Variants in DPYSL3 observed in about 807,000 individuals in gnomAD.
The protein encoded by DPYSL3 is dihydropyrimidinase like 3, also known as dihydropyrimidinase-related protein 3.
In DPYSL3, 16 loss-of-function variants were observed where a neutral mutation model predicts 66.1. The observed-to-expected ratio is 0.24, with a 90% CI of 0.16 to 0.37. The LOEUF (loss-of-function observed/expected upper bound fraction) is 0.37, where lower values mean the gene tolerates loss of function less well. Ranked by LOEUF, DPYSL3 falls within the 10% of genes least tolerant of loss-of-function variation. The probability of loss-of-function intolerance (pLI) is 1.00; values close to 1 mark genes in which losing one functional copy is unlikely to be tolerated. For missense variants in DPYSL3, 738 were observed against 916.2 expected, an observed-to-expected ratio of 0.81 and a Z score of 2.51; for synonymous variants, 338 against 345.1, an observed-to-expected ratio of 0.98 and a Z score of 0.23.
chr5:147,477,161 G>C (rs1325748958), intron 1 of DPYSL3, among the ~76,000 whole-genome samples: 2 of 152,134 alleles, frequency 1.3e-5, no homozygotes, highest in African/African-American at 4.8e-5. Flanking sequence ...AACAAGACAT[G>C]ATCAAAACAG....
intron 1 of DPYSL3, among the ~76,000 whole-genome samples, chr5:147,448,539 A>G (rs901316615): frequency 6.6e-6 from 1 of 152,308 alleles, no homozygotes; most frequent in South Asian, 2.1e-4. Context: ...CCACATTCCA[A>G]AGTAGTTGAG....
At position 147,509,750 on chromosome 5, in the gene DPYSL3, T is replaced by A. The variant is rs1753732969; in HGVS notation, c.109A>T (p.Met37Leu). Residue 37 changes from methionine (M) to leucine (L), a missense_variant, in exon 1 of 14, where the codon ATG becomes TTG. Transcript: ENST00000343218. The surrounding 1 kb of genome is among the most constrained non-coding windows in gnomAD (Gnocchi z 5.3). ...DQVPRQKYGG[M>L]FCNVEGAFES... Reference sequence around the variant, plus strand: ...AAGGCGCCCTCCACGTTGCAGAACATGCCGCCGTATTTCTGCCGCGGGACC... The same window carrying A: ...AAGGCGCCCTCCACGTTGCAGAACAAGCCGCCGTATTTCTGCCGCGGGACC... 6.5e-7 allele frequency: 1 copy of A among 1,535,846 alleles called. No homozygotes were observed. The highest frequency in any genetic ancestry group is 1.2e-5 in the South Asian group (1 of 84,068).
chr5:147,429,555 T>G (rs13340366), intron 1 of DPYSL3, among the ~76,000 whole-genome samples: 3,010 of 152,250 alleles, frequency 0.02, 105 homozygotes, highest in African/African-American at 0.069. Flanking sequence ...TAATATTATT[T>G]ATAATACTTT....
chr5:147,400,642 C>T, intron 10 of DPYSL3, 50 bp downstream of exon 10: 1 of 1,599,836 alleles, frequency 6.3e-7, no homozygotes, highest in Non-Finnish European at 8.5e-7. Flanking sequence ...TCTGATCTGG[C>T]CCATGGATGT....
intron 1 of DPYSL3, among the ~76,000 whole-genome samples, chr5:147,457,023 C>T (rs1425181188): frequency 6.6e-6 from 1 of 151,144 alleles, no homozygotes; most frequent in Non-Finnish European, 1.5e-5. Flanking sequence ...TCCTCACCAT[C>T]ACTCATTCAT....
At chr5:147,492,164 C>T (rs1753425692) in intron 1 of DPYSL3, among the ~76,000 whole-genome samples, 2 of 151,832 alleles carry the variant, frequency 1.3e-5, no homozygotes, top group Non-Finnish European at 2.9e-5. Flanking sequence ...AAATAAAAAA[C>T]ATCAACCTAG....
chr5:147,481,598 C>G lies in DPYSL3; in HGVS notation c.381+27880G>C, dbSNP rs74799282. Among the ~76,000 whole-genome samples, 792 of 152,292 alleles carry G rather than the reference C, an allele frequency of 5.2e-3. 30 individuals are homozygous for G. The East Asian group carries it at 0.11, about 20-fold the overall frequency. ...TTCACCAGAAAGTATGTATTGCAAA[C>G]GTAATCCCTAATGCAACAGTGCCTG... On this transcript the variant is annotated intron_variant, in intron 1 of 13. Transcript: ENST00000343218.
chr5:147,462,776 A>G (rs79096202), intron 1 of DPYSL3, among the ~76,000 whole-genome samples: 3,711 of 151,940 alleles, frequency 0.024, 180 homozygotes, highest in African/African-American at 0.083. Context: ...TGATTCAATG[A>G]CTCCTATGTT....
chr5:147,474,183 G>A (rs1461904452), intron 1 of DPYSL3, among the ~76,000 whole-genome samples: 1 of 152,038 alleles, frequency 6.6e-6, no homozygotes, highest in Non-Finnish European at 1.5e-5. Flanking sequence ...TGGCTAGTAA[G>A]TACAGTGTCT....
intron 2 of DPYSL3, among the ~76,000 whole-genome samples, chr5:147,419,266 T>C (rs1752034933): frequency 6.6e-6 from 1 of 152,188 alleles, no homozygotes; most frequent in Admixed American, 6.5e-5. Context: ...CAGCTGCCTT[T>C]ATGACATGGT....
rs980094080 is a variant in DPYSL3 at position 147,392,353 on chromosome 5, C to A, written c.*1682G>T. Reference sequence around the variant, plus strand: ...CCTGTTCCTTGGCTATCTCCAAATTCCTTTGTAGCCCAGTGTGTACTTTTC... The same window carrying A: ...CCTGTTCCTTGGCTATCTCCAAATTACTTTGTAGCCCAGTGTGTACTTTTC... On this transcript the variant is annotated 3_prime_UTR_variant, in exon 14 of 14. Coordinates refer to ENST00000343218, the MANE Select transcript of DPYSL3 (RefSeq NM_001197294.2). 7 of 152,204 alleles carry A rather than the reference C, an allele frequency of 4.6e-5. No individual in the cohort carries two copies. Among genetic ancestry groups the A allele is most frequent in the African/African-American group, 1.4e-4 (6 of 41,448 alleles). 9.4% of individuals were successfully genotyped at this position (152,204 alleles called of 1,614,324 possible).
intron 12 of DPYSL3, among the ~76,000 whole-genome samples, chr5:147,396,894 A>G (rs566573472): frequency 5.3e-4 from 79 of 149,298 alleles, no homozygotes; most frequent in Non-Finnish European, 8.7e-4. Flanking sequence ...TAGTGTGTGT[A>G]TAGAAAGTAT....
Position 147,454,628 on chromosome 5 carries a change from A to G in DPYSL3, c.382-29665T>C, listed in dbSNP as rs116773203. ...GGAGTGGGAAGGCAGTAGCCCAGAC[A>G]CGTTCCTGGTGCGCAGCCATGGATT... On this transcript the variant is annotated intron_variant, in intron 1 of 13. Transcript: ENST00000343218. Among the ~76,000 whole-genome samples, 717 of 152,320 alleles carry G rather than the reference A, an allele frequency of 4.7e-3. 9 individuals carry two copies. The highest frequency in any genetic ancestry group is 0.016 in the African/African-American group (670 of 41,568).
At position 147,509,968 on chromosome 5, in the gene DPYSL3, G is replaced by A; in HGVS notation, c.-110C>T. On this transcript the variant is annotated 5_prime_UTR_variant, in exon 1 of 14. Coordinates refer to ENST00000343218, the MANE Select transcript of DPYSL3 (RefSeq NM_001197294.2). The surrounding 1 kb of genome is among the most constrained non-coding windows in gnomAD (Gnocchi z 5.3). ...GACTGTGGCGGGAGGAGGCGCCTGA[G>A]CCTTCGCGCCAGAGGCGGCAGTGCT... 7.0e-7 allele frequency: 1 copy of A among 1,420,336 alleles called. No individual in the cohort carries two copies. Among genetic ancestry groups the A allele is most frequent in the South Asian group, 1.5e-5 (1 of 66,902 alleles). The allele number at this position is 1,420,336 out of a possible 1,614,324, so 88.0% of individuals were successfully genotyped here. A position where few individuals can be genotyped will look rare whatever the true frequency, so the allele number is the denominator to read the frequency against.
At chr5:147,469,130 C>T (rs78728514) in intron 1 of DPYSL3, among the ~76,000 whole-genome samples, 4,990 of 152,256 alleles carry the variant, frequency 0.033, 288 homozygotes, top group African/African-American at 0.11. Context: ...GTAGCCTTGG[C>T]CAGTCCCTGG....
chr5:147,496,592 T>C (rs1201451282), intron 1 of DPYSL3, among the ~76,000 whole-genome samples: 3 of 151,866 alleles, frequency 2.0e-5, no homozygotes, highest in Admixed American at 1.3e-4. Context: ...GGGTGAAGGA[T>C]ATGAACAGAC....
intron 1 of DPYSL3, among the ~76,000 whole-genome samples, chr5:147,483,204 GGTGA>G (rs1315155162): frequency 6.6e-6 from 1 of 152,176 alleles, no homozygotes; most frequent in African/African-American, 2.4e-5. Flanking sequence ...AAATTTACAT[GGTGA>G]GTAACAGATC....
At chr5:147,477,540 GAAAAAT>G (rs1266461223) in intron 1 of DPYSL3, among the ~76,000 whole-genome samples, 1 of 137,526 alleles carries the variant, frequency 7.3e-6, no homozygotes, top group Non-Finnish European at 1.6e-5. Flanking sequence ...TGCAGAGAAG[GAAAAAT>G]AAAAACACCT....
chr5:147,447,850 G>GACAA (rs759800793), intron 1 of DPYSL3, among the ~76,000 whole-genome samples: 1 of 152,108 alleles, frequency 6.6e-6, no homozygotes, highest in African/African-American at 2.4e-5. Context: ...AAAAACAAAA[G>GACAA]ACAAACAAAC....
Sources: gnomAD v4.1 joint callset for allele counts (sites outside exome capture counted in the v4.1 genomes callset) on GRCh38, gnomAD v4.1.1 for gene constraint, Gnocchi (gnomAD v3.1) non-coding constraint, MANE v1.5 for transcripts, NCBI Gene and HGNC (gene_info 2026-07-23, HGNC 2026-07-21) for gene names.